The following GABRG3 variants were observed in gnomAD, a reference collection of about 807,000 sequenced individuals.
GABRG3 encodes the protein gamma-aminobutyric acid receptor subunit gamma-3.
A neutral mutation model predicts 48.8 loss-of-function variants in GABRG3; 25 were observed. The observed-to-expected ratio is 0.51, with a 90% CI of 0.37 to 0.72. GABRG3 has a LOEUF of 0.72. Among genes scored for constraint, GABRG3 ranks in the 30% least tolerant of loss-of-function variants. GABRG3 has a pLI of 0.00. For missense variants in GABRG3, 394 were observed against 577.9 expected (o/e 0.68, Z 3.26); for synonymous variants, 227 against 217.6 (o/e 1.04, Z -0.38).
At chr15:27,058,564 A>G (rs935984591) in intron 3 of GABRG3, among the ~76,000 whole-genome samples, 1 of 151,686 alleles carries the variant, frequency 6.6e-6, no homozygotes, top group African/African-American at 2.4e-5. Flanking sequence ...TAAATTCCCA[A>G]CTGTCCGGCT....
intron 3 of GABRG3, among the ~76,000 whole-genome samples, chr15:27,323,516 A>T (rs1893501892): frequency 6.6e-6 from 1 of 152,176 alleles, no homozygotes; most frequent in Non-Finnish European, 1.5e-5. Context: ...ATTCTCACAT[A>T]CTGAATTTTA....
chr15:27,511,973 T>TG (rs1890906294), intron 6 of GABRG3, among the ~76,000 whole-genome samples: 1 of 152,074 alleles, frequency 6.6e-6, no homozygotes, highest in Admixed American at 6.5e-5. Context: ...ATCAAGTGTG[T>TG]GGGGGACAGC....
chr15:26,991,955 C>T (rs779741590), intron 2 of GABRG3, among the ~76,000 whole-genome samples: 14 of 152,254 alleles, frequency 9.2e-5, no homozygotes, highest in Non-Finnish European at 1.5e-4. Flanking sequence ...CTCCTGACCT[C>T]GTGATCCTCC....
chr15:27,377,276 G>T (rs778489923), intron 5 of GABRG3, among the ~76,000 whole-genome samples: 4 of 152,052 alleles, frequency 2.6e-5, no homozygotes, highest in Non-Finnish European at 5.9e-5. Flanking sequence ...ACATTTTCCT[G>T]TCTTCTTCTG....
chr15:27,293,563 C>T (rs1891870399), intron 3 of GABRG3, among the ~76,000 whole-genome samples: 1 of 151,892 alleles, frequency 6.6e-6, no homozygotes, highest in Non-Finnish European at 1.5e-5. Context: ...GTAATCCCAG[C>T]TACTTGGGAG....
intron 3 of GABRG3, among the ~76,000 whole-genome samples, chr15:27,320,156 G>A (rs1211047126): frequency 2.0e-5 from 3 of 152,170 alleles, no homozygotes; most frequent in African/African-American, 4.8e-5. Context: ...GGGGAAGGTC[G>A]TAGCTGTGTG....
At chr15:27,039,151 C>A (rs1283709989) in intron 3 of GABRG3, among the ~76,000 whole-genome samples, 1 of 152,174 alleles carries the variant, frequency 6.6e-6, no homozygotes, top group Non-Finnish European at 1.5e-5. Context: ...CAGTTCTGGC[C>A]AAACCAGCCT....
chr15:27,078,623 C>T (rs909566139), intron 3 of GABRG3, among the ~76,000 whole-genome samples: 1 of 152,214 alleles, frequency 6.6e-6, no homozygotes, highest in African/African-American at 2.4e-5. Context: ...GTAACACCAG[C>T]TGTCACTGGT....
At chr15:27,496,857 C>T (rs886304272) in intron 6 of GABRG3, among the ~76,000 whole-genome samples, 2 of 152,162 alleles carry the variant, frequency 1.3e-5, no homozygotes, top group Admixed American at 6.5e-5. Context: ...AATGTTTATG[C>T]TTTGTCTCTG....
chr15:27,498,627 ACTACAGGTGCACG>A (rs1890544385), intron 6 of GABRG3, among the ~76,000 whole-genome samples: 1 of 151,938 alleles, frequency 6.6e-6, no homozygotes, highest in South Asian at 2.1e-4. Context: ...TCCTGCTGGG[ACTACAGGTGCACG>A]CCACCATGCC....
chr15:27,245,676 A>AGCCAGGCCAACATGGTGAAACCC (rs1890248077), intron 3 of GABRG3, among the ~76,000 whole-genome samples: 1 of 150,784 alleles, frequency 6.6e-6, no homozygotes, highest in Non-Finnish European at 1.5e-5. Context: ...GTTCGAAACC[A>AGCCAGGCCAACATGGTGAAACCC]GCCTGGCCAA....
In GABRG3 at chr15:27,071,037, A is replaced by T. The variant is rs544349789; in HGVS notation, c.270+44216A>T. Among the ~76,000 whole-genome samples, 3 of 152,254 alleles carry T rather than the reference A, an allele frequency of 2.0e-5. No homozygotes were observed. In the East Asian group the frequency reaches 5.8e-4, roughly 30 times the overall value. On this transcript the variant is annotated intron_variant, in intron 3 of 9. Transcript: ENST00000615808. ...CCTGTTCATCTGAATAACTAGGAGG[A>T]AGTCTGAGCTTACAATCAGTGTCTG...
intron 3 of GABRG3, among the ~76,000 whole-genome samples, chr15:27,260,595 A>AT (rs1258624146): frequency 6.6e-6 from 1 of 152,170 alleles, no homozygotes; most frequent in Non-Finnish European, 1.5e-5. Context: ...ACACCATGCC[A>AT]TTTTATCTCA....
chr15:27,002,679 C>T (rs1305625553), intron 2 of GABRG3, among the ~76,000 whole-genome samples: 2 of 134,458 alleles, frequency 1.5e-5, no homozygotes, highest in African/African-American at 2.9e-5. Flanking sequence ...GAGGCCAGGG[C>T]AGTAGGATTG....
chr15:27,139,186 C>T (rs1898061142), intron 3 of GABRG3, among the ~76,000 whole-genome samples: 1 of 152,144 alleles, frequency 6.6e-6, no homozygotes, highest in African/African-American at 2.4e-5. Context: ...TCAGTCCAAG[C>T]CTGAAGGCCT....
At chr15:27,448,043 G>A (rs1327567596) in intron 5 of GABRG3, among the ~76,000 whole-genome samples, 1 of 152,016 alleles carries the variant, frequency 6.6e-6, no homozygotes, top group Non-Finnish European at 1.5e-5. Flanking sequence ...ACAAAGCTAG[G>A]TCTCTGGTAA....
intron 2 of GABRG3, among the ~76,000 whole-genome samples, chr15:27,010,808 A>G (rs1416155187): frequency 6.6e-6 from 1 of 152,120 alleles, no homozygotes; most frequent in African/African-American, 2.4e-5. Flanking sequence ...GACATAACTC[A>G]GAGAGGCTTA....
intron 5 of GABRG3, among the ~76,000 whole-genome samples, chr15:27,388,082 G>A (rs1364216074): frequency 2.5e-5 from 2 of 80,764 alleles, no homozygotes; most frequent in Admixed American, 1.1e-4. Flanking sequence ...AGGAAGGAAG[G>A]AAAGGAGGGA....
At chr15:27,052,921 C>G (rs1458436422) in intron 3 of GABRG3, among the ~76,000 whole-genome samples, 2 of 152,240 alleles carry the variant, frequency 1.3e-5, no homozygotes, top group African/African-American at 2.4e-5. Context: ...GGAAAGGACT[C>G]TCTGTTCAGT....
Sources: allele counts gnomAD v4.1 joint callset (sites outside exome capture counted in the v4.1 genomes callset), GRCh38; gene constraint gnomAD v4.1.1; transcripts MANE v1.5; gene names NCBI Gene and HGNC (gene_info 2026-07-23, HGNC 2026-07-21).